Variants in FGF13 observed in about 807,000 individuals in gnomAD.
FGF13 encodes the protein fibroblast growth factor homologous factor 2.
A neutral mutation model predicts 19.5 loss-of-function variants in FGF13; 2 were observed. That is an observed-to-expected ratio of 0.10 (90% confidence interval 0.04 to 0.32). The LOEUF is 0.32. FGF13 is among the 10% of genes least tolerant of loss of function. The probability of loss-of-function intolerance (pLI) is 1.00; values close to 1 mark genes in which losing one functional copy is unlikely to be tolerated. For synonymous variants in FGF13, 72 were observed against 76.9 expected, an observed-to-expected ratio of 0.94 and a Z score of 0.33; for missense variants, 113 against 192.7, an observed-to-expected ratio of 0.59 and a Z score of 2.45.
At chrX:139,128,724 C>T (rs1008021616) in intron 1 of FGF13, among the ~76,000 whole-genome samples, 2 of 111,925 alleles carry the variant, frequency 1.8e-5, no homozygotes, top group Non-Finnish European at 3.8e-5. Context: ...TTAATGAAAA[C>T]GTTGCATTCG....
In FGF13 at chrX:138,922,836, C is replaced by T. The variant is rs140133868; in HGVS notation, c.-112-58186G>A. Among the ~76,000 whole-genome samples the T allele has an allele frequency of 9.6e-3, 1,072 of 111,934 alleles. 13 individuals are homozygous for T. Among genetic ancestry groups the T allele is most frequent in the African/African-American group, 0.033 (1,005 of 30,836 alleles). On this transcript the variant is annotated intron_variant, in intron 1 of 2. Transcript: ENST00000421460. Reference sequence around the variant, plus strand: ...AGAAACATTTCTTTGTAAGATGCCCCGCTTCATCTCTAGCCTGCATCCATT... The same window carrying T: ...AGAAACATTTCTTTGTAAGATGCCCTGCTTCATCTCTAGCCTGCATCCATT...
At chrX:138,752,667 C>T (rs938602029) in intron 3 of FGF13, among the ~76,000 whole-genome samples, 2 of 111,530 alleles carry the variant, frequency 1.8e-5, no homozygotes, top group Non-Finnish European at 3.8e-5. Flanking sequence ...GACCTCATTA[C>T]CCCTGACCTC....
chrX:138,880,472 A>C (rs1395978864), intron 1 of FGF13, among the ~76,000 whole-genome samples: 3 of 112,095 alleles, frequency 2.7e-5, no homozygotes, highest in African/African-American at 3.2e-5. Context: ...AAAATATGGC[A>C]CATATACACT....
chrX:138,844,111 A>G (rs1167794170), intron 3 of FGF13, among the ~76,000 whole-genome samples: 1 of 112,365 alleles, frequency 8.9e-6, no homozygotes, highest in East Asian at 2.8e-4. Flanking sequence ...GCACGTTTGT[A>G]AAGTTGGCAG....
chrX:138,909,336 G>A (rs891918969), intron 1 of FGF13, among the ~76,000 whole-genome samples: 15 of 111,402 alleles, frequency 1.3e-4, no homozygotes, highest in South Asian at 3.8e-4. Flanking sequence ...CCACGATCTC[G>A]GCTCCTTCCA....
At position 139,044,749 on chromosome X, in the gene FGF13, C is replaced by A. The variant is rs143631803; in HGVS notation, c.-113+158667G>T. On this transcript the variant is annotated intron_variant, in intron 1 of 2. Coordinates refer to the FGF13 transcript ENST00000421460. ...CTCCAAAATAATCTCTTTGACTCCA[C>A]GTCCCTCATCTAGGGCATGCTGGTG... 9.2e-4 allele frequency among the ~76,000 whole-genome samples: 103 copies of A among 112,061 alleles called. 2 individuals carry two copies. The East Asian group carries it at 0.016, about 17-fold the overall frequency.
chrX:138,907,655 T>G (rs1239944133), intron 1 of FGF13, among the ~76,000 whole-genome samples: 1 of 111,933 alleles, frequency 8.9e-6, no homozygotes, highest in Non-Finnish European at 1.9e-5. Flanking sequence ...GATGTGGCTG[T>G]GCTTTTTGAG....
intron 3 of FGF13, among the ~76,000 whole-genome samples, chrX:138,655,153 A>C (rs2124138811): frequency 8.9e-6 from 1 of 112,013 alleles, no homozygotes; most frequent in Admixed American, 9.5e-5. Flanking sequence ...ACCCTTATCT[A>C]AAATATTGTC....
At chrX:138,883,297 A>C (rs6654172) in intron 1 of FGF13, among the ~76,000 whole-genome samples, 11,457 of 111,553 alleles carry the variant, frequency 0.1, 1,431 homozygotes, top group African/African-American at 0.35. Flanking sequence ...AGAATTGTAT[A>C]CAGCAGCATC....
intron 1 of FGF13, among the ~76,000 whole-genome samples, chrX:139,075,384 C>G (rs2083325856): frequency 8.9e-6 from 1 of 112,013 alleles, no homozygotes; most frequent in South Asian, 3.7e-4. Flanking sequence ...TGATCTTTGT[C>G]CAGGGAGAGC....
chrX:138,756,100 C>A (rs2090429908), intron 3 of FGF13, among the ~76,000 whole-genome samples: 1 of 112,186 alleles, frequency 8.9e-6, no homozygotes, highest in African/African-American at 3.2e-5. Context: ...AGAAACCAAA[C>A]CTTGAACTTG....
intron 1 of FGF13, among the ~76,000 whole-genome samples, chrX:139,078,375 A>T: frequency 9.0e-6 from 1 of 111,259 alleles, no homozygotes; most frequent in African/African-American, 3.3e-5. Flanking sequence ...ACCATTGCAC[A>T]GTGCTCACTA....
At chrX:138,762,181 C>A (rs748334027) in intron 3 of FGF13, among the ~76,000 whole-genome samples, 23 of 109,647 alleles carry the variant, frequency 2.1e-4, no homozygotes, top group Middle Eastern at 4.7e-3. Context: ...TTGCATGTGG[C>A]AATCTCATCT....
intron 1 of FGF13, among the ~76,000 whole-genome samples, chrX:138,976,228 C>G (rs2091938994): frequency 1.8e-5 from 2 of 111,318 alleles, no homozygotes; most frequent in African/African-American, 6.5e-5. Context: ...CATGTGAGAG[C>G]TTTCAACAGC....
chrX:138,668,400 G>A (rs1437999670), intron 3 of FGF13, among the ~76,000 whole-genome samples: 1 of 110,780 alleles, frequency 9.0e-6, no homozygotes, highest in African/African-American at 3.3e-5. Context: ...TTATGATGCT[G>A]CAGCCTGCTT....
intron 1 of FGF13, among the ~76,000 whole-genome samples, chrX:138,880,967 T>C (rs2124180763): frequency 8.9e-6 from 1 of 111,951 alleles, no homozygotes; most frequent in East Asian, 2.8e-4. Flanking sequence ...TAAAAAATGC[T>C]ATTGGAATTT....
intron 1 of FGF13, among the ~76,000 whole-genome samples, chrX:138,734,227 T>C (rs2090255344): frequency 8.9e-6 from 1 of 111,991 alleles, no homozygotes; most frequent in African/African-American, 3.2e-5. Context: ...TATATTAAGG[T>C]TTGGAATGAA....
rs1351802841 is a variant in FGF13 at position 138,708,936 on chromosome X, G to C, written c.188-8C>G. 1.9e-6 allele frequency: 2 copies of C among 1,064,701 alleles called. No homozygotes were observed. The highest frequency in any genetic ancestry group is 2.6e-6 in the Non-Finnish European group (2 of 770,378). The allele number at this position is 1,064,701 out of a possible 1,213,427, so 87.7% of individuals were successfully genotyped here. A position where few individuals can be genotyped will look rare whatever the true frequency, so the allele number is the denominator to read the frequency against. On this transcript the variant is annotated splice_polypyrimidine_tract_variant and splice_region_variant and intron_variant, in intron 1 of 4. Coordinates refer to ENST00000315930, the MANE Select transcript of FGF13 (RefSeq NM_004114.5). Reference sequence around the variant, plus strand: ...TACCCTTAAGCTGAGGCTCTGCAAAGAGAACAATGATTTGGATCAATTGAT... The same window carrying C: ...TACCCTTAAGCTGAGGCTCTGCAAACAGAACAATGATTTGGATCAATTGAT...
chrX:138,946,491 T>A (rs1049926692), intron 1 of FGF13, among the ~76,000 whole-genome samples: 1 of 112,298 alleles, frequency 8.9e-6, no homozygotes. Flanking sequence ...AAGGGAGTTG[T>A]TGGTGATCAA....
Sources: allele counts gnomAD v4.1 joint callset (sites outside exome capture counted in the v4.1 genomes callset), GRCh38; gene constraint gnomAD v4.1.1; transcripts MANE v1.5; gene names NCBI Gene and HGNC (gene_info 2026-07-23, HGNC 2026-07-21).